NUP88: variants seen among roughly 807,000 people sequenced by gnomAD.
NUP88 encodes nucleoporin 88, also known as nuclear pore complex protein Nup88.
NUP88 carries 57 observed loss-of-function variants against 93.9 expected under a neutral mutation model. That is an observed-to-expected ratio of 0.61 (90% CI 0.49 to 0.76). The LOEUF (loss-of-function observed/expected upper bound fraction) is 0.76. NUP88 is among the 30% of genes least tolerant of loss of function. The pLI is 0.00. For missense variants in NUP88, 911 were observed against 901.0 expected (o/e 1.01, Z -0.14); for synonymous variants, 346 against 336.8 (o/e 1.03, Z -0.30).
At chr17:5,409,374 CAAAAAAAAA>C (rs10611297) in intron 4 of NUP88, among the ~76,000 whole-genome samples, 1 of 99,824 alleles carries the variant, frequency 1.0e-5, no homozygotes, top group Non-Finnish European at 2.1e-5. Flanking sequence ...AACTCCGTCT[CAAAAAAAAA>C]AAAAAAAAAA....
In NUP88 at chr17:5,385,323, G is replaced by T; in HGVS notation, c.*883C>A. Reference sequence around the variant, plus strand: ...CCCTTCTAGGCAAAAGAAAAGCTCAGTTGGGTTTCACGAGTGTTCCTGTGC... The same window carrying T: ...CCCTTCTAGGCAAAAGAAAAGCTCATTTGGGTTTCACGAGTGTTCCTGTGC... On this transcript the variant is annotated 3_prime_UTR_variant, in exon 17 of 17. Coordinates refer to ENST00000573584, the MANE Select transcript of NUP88 (RefSeq NM_002532.6). The T allele has an allele frequency of 4.3e-6, 1 of 231,164 alleles. No homozygotes were observed. 14.3% of individuals were successfully genotyped at this position (231,164 alleles called of 1,614,324 possible).
intron 4 of NUP88, 67 bp from the exon 5 acceptor site, chr17:5,408,976 A>C: frequency 7.1e-7 from 1 of 1,398,886 alleles, no homozygotes. Context: ...GAAAAACAAA[A>C]CAAAACAAAA....
At chr17:5,394,004 G>C (rs1456608328) in intron 9 of NUP88, among the ~76,000 whole-genome samples, 2 of 152,092 alleles carry the variant, frequency 1.3e-5, no homozygotes, top group East Asian at 3.9e-4. Context: ...CAGAAAAATG[G>C]GACACAGGAG....
At chr17:5,395,849 A>C (rs1392306461) in intron 8 of NUP88, among the ~76,000 whole-genome samples, 1 of 152,172 alleles carries the variant, frequency 6.6e-6, no homozygotes, top group East Asian at 1.9e-4. Context: ...AATTCACAGT[A>C]CCATACAAGT....
chr17:5,399,524 T>C (rs1416732830), intron 8 of NUP88, 28 bp downstream of exon 8: 18 of 1,142,608 alleles, frequency 1.6e-5, no homozygotes, highest in Non-Finnish European at 2.2e-5. Context: ...TGAAATCTAT[T>C]AAAAGTGCAG....
At chr17:5,408,381 T>C (rs1597327297) in intron 5 of NUP88, among the ~76,000 whole-genome samples, 1 of 152,228 alleles carries the variant, frequency 6.6e-6, no homozygotes, top group African/African-American at 2.4e-5. Flanking sequence ...TGTGTATGTA[T>C]CTTTCTCCCC....
Position 5,409,041 on chromosome 17 carries a change from A to G in NUP88, c.681-132T>C, listed in dbSNP as rs552592511. 7.9e-5 allele frequency: 54 copies of G among 681,040 alleles called. No homozygotes were observed. In the African/African-American group the frequency reaches 9.9e-4, roughly 12 times the overall value. 42.2% of individuals were successfully genotyped at this position (681,040 alleles called of 1,614,324 possible). ...TATGTATGGAATTTGTAGGCAATGG[A>G]CTGAAAAGACAAAAAATGATTATGA... On this transcript the variant is annotated intron_variant, in intron 4 of 16. Coordinates refer to ENST00000573584, the MANE Select transcript of NUP88 (RefSeq NM_002532.6).
At chr17:5,388,665 G>T in intron 11 of NUP88, 137 bp downstream of exon 11, 2 of 733,664 alleles carry the variant, frequency 2.7e-6, no homozygotes, top group African/African-American at 1.8e-5. Context: ...TTCACTAGCT[G>T]ATCAAATATA....
intron 6 of NUP88, 131 bp downstream of exon 6, chr17:5,404,926 T>C: frequency 1.2e-6 from 1 of 844,348 alleles, no homozygotes; most frequent in Non-Finnish European, 1.8e-6. Context: ...CTTTTTTAAC[T>C]GTTTAATTTC....
At chr17:5,407,305 C>T (rs958225564) in intron 5 of NUP88, among the ~76,000 whole-genome samples, 1 of 152,312 alleles carries the variant, frequency 6.6e-6, no homozygotes, top group African/African-American at 2.4e-5. Flanking sequence ...ATGAGCAGGC[C>T]TACTCATTTA....
rs771126692 is a variant in NUP88, at chr17:5,386,803, T to C, written c.2067A>G (p.Gln689=). The change falls in exon 16 of 17, where the codon CAA becomes CAG. Residue 689 remains glutamine, a synonymous_variant. Transcript: ENST00000573584. ...IKQVTMKKDY[Q]QQKMEKVLSL... ...TCAACACCTTCTCCATCTTTTGCTG[T>C]TGATAATCCTTTTTCATAGTAACCT... The C allele has an allele frequency of 1.9e-6, 3 of 1,613,696 alleles. No homozygotes were observed. The highest frequency in any genetic ancestry group is 1.7e-5 in the Admixed American group (1 of 60,026).
intron 4 of NUP88, 64 bp from the exon 5 acceptor site, chr17:5,408,973 A>C: frequency 7.2e-7 from 1 of 1,398,038 alleles, no homozygotes; most frequent in East Asian, 2.5e-5. Context: ...AAAGAAAAAC[A>C]AAACAAAACA....
intron 4 of NUP88, among the ~76,000 whole-genome samples, chr17:5,409,161 G>T (rs1264882744): frequency 1.3e-5 from 2 of 152,068 alleles, no homozygotes; most frequent in Non-Finnish European, 2.9e-5. Context: ...ATCACCTGAG[G>T]TCAGGAGTTC....
intron 2 of NUP88, 65 bp from the exon 3 acceptor site, chr17:5,414,199 ACTT>A (rs1190017052): frequency 9.4e-6 from 14 of 1,491,856 alleles, no homozygotes; most frequent in African/African-American, 7.0e-5. Context: ...TTCTAAAGGA[ACTT>A]CTTTTTTTTG....
chr17:5,398,990 A>G lies in NUP88; in HGVS notation c.1291+562T>C, dbSNP rs372772856. On this transcript the variant is annotated intron_variant, in intron 8 of 16. Transcript: ENST00000573584. ...TGCAAGCTCCGCCTCCCAGGTTCACACCATTCTCCTGCCTCAGTCTCCCGA... is the reference window on the plus strand; with the variant it reads ...TGCAAGCTCCGCCTCCCAGGTTCACGCCATTCTCCTGCCTCAGTCTCCCGA... Among the ~76,000 whole-genome samples, 15 of 148,262 alleles carry G rather than the reference A, an allele frequency of 1.0e-4. No homozygotes were observed. The East Asian group carries it at 2.4e-3, about 24-fold the overall frequency.
chr17:5,412,203 AAAGG>A (rs1279426035), intron 3 of NUP88, among the ~76,000 whole-genome samples: 1 of 152,224 alleles, frequency 6.6e-6, no homozygotes, highest in African/African-American at 2.4e-5. Flanking sequence ...ATAGCATATA[AAAGG>A]AAGACTAAGA....
At chr17:5,417,401 G>A (rs779428975) in intron 1 of NUP88, among the ~76,000 whole-genome samples, 6 of 152,196 alleles carry the variant, frequency 3.9e-5, no homozygotes, top group Non-Finnish European at 8.8e-5. Flanking sequence ...CCTGACAGTA[G>A]AGGCTCCAAT....
At chr17:5,396,526 C>CA (rs1309791915) in intron 8 of NUP88, among the ~76,000 whole-genome samples, 3 of 152,192 alleles carry the variant, frequency 2.0e-5, no homozygotes, top group African/African-American at 7.2e-5. Context: ...TTTATCTATC[C>CA]ATTCATCAGC....
chr17:5,395,475 A>G (rs540383521), intron 8 of NUP88, among the ~76,000 whole-genome samples: 1 of 152,272 alleles, frequency 6.6e-6, no homozygotes, highest in South Asian at 2.1e-4. Context: ...TCAAGGATGG[A>G]AAAAAGAAAA....
Sources: allele counts gnomAD v4.1 joint callset (sites outside exome capture counted in the v4.1 genomes callset), GRCh38; gene constraint gnomAD v4.1.1; transcripts MANE v1.5; gene names NCBI Gene and HGNC (gene_info 2026-07-23, HGNC 2026-07-21).